MRTFB: variants seen among roughly 807,000 people sequenced by gnomAD.
MRTFB encodes myocardin related transcription factor B.
MRTFB carries 29 observed loss-of-function variants against 104.2 expected under a neutral mutation model. The observed-to-expected ratio is 0.28, with a 90% confidence interval of 0.21 to 0.38. MRTFB has a LOEUF of 0.38. MRTFB is among the 10% of genes least tolerant of loss of function. The probability of loss-of-function intolerance (pLI) is 1.00; values close to 1 mark genes in which losing one functional copy is unlikely to be tolerated. For missense variants in MRTFB, 1,270 were observed against 1,341.6 expected (o/e 0.95, Z 0.83); for synonymous variants, 535 against 519.5 (o/e 1.03, Z -0.41).
chr16:14,242,301 T>C (rs181106379), intron 10 of MRTFB, among the ~76,000 whole-genome samples: 252 of 152,228 alleles, frequency 1.7e-3, no homozygotes, highest in African/African-American at 5.7e-3. Context: ...AAGGCTTCAA[T>C]TCCCCTCTCC....
the MRTFB span, among the ~76,000 whole-genome samples, chr16:14,033,941 C>T: frequency 2.0e-5 from 3 of 151,834 alleles, no homozygotes; most frequent in South Asian, 2.1e-4. Context: ...TTTAAGAGGG[C>T]TAGGCAATGG....
At position 14,246,916 on chromosome 16, in the gene MRTFB, T is replaced by A; in HGVS notation, c.1656T>A (p.Ser552Arg). 6.2e-7 allele frequency: 1 copy of A among 1,613,642 alleles called. No homozygotes were observed. Among genetic ancestry groups the A allele is most frequent in the Non-Finnish European group, 8.5e-7 (1 of 1,179,998 alleles). The change falls in exon 12 of 17, where the codon AGT (serine) becomes AGA (arginine). Residue 552 changes from serine (S) to arginine (R), a missense_variant. Ser to Arg is a moderately radical substitution (Grantham distance 110). Transcript: ENST00000571589. ...TGAGAATGACAAATAATGAAGACAG[T>A]CTGAGTCCCACCAGCAGCACTCTGT... Reference protein sequence around the residue: ...SPLRMTNNEDSLSPTSSTLSN... With the variant: ...SPLRMTNNEDRLSPTSSTLSN...
chr16:14,109,552 CTAAA>C (rs1365264252), intron 2 of MRTFB, among the ~76,000 whole-genome samples: 4 of 152,192 alleles, frequency 2.6e-5, no homozygotes, highest in Admixed American at 1.3e-4. Context: ...ACTGTCCACT[CTAAA>C]TAGCTATTTT....
chr16:14,057,954 C>T, the MRTFB span, among the ~76,000 whole-genome samples: 1 of 152,214 alleles, frequency 6.6e-6, no homozygotes, highest in East Asian at 1.9e-4. Context: ...CCTGCCATTC[C>T]CAGAGCCAGG....
At chr16:14,001,887 CATGAGGCACTGTATCCTTGTTCCAACTCA>C in the MRTFB span, among the ~76,000 whole-genome samples, 1 of 152,216 alleles carries the variant, frequency 6.6e-6, no homozygotes, top group Admixed American at 6.6e-5. Flanking sequence ...AGGCCTCTGC[CATGAGGCACTGTATCCTTGTTCCAACTCA>C]ATTATTACTG....
At chr16:14,016,707 AG>A in the MRTFB span, among the ~76,000 whole-genome samples, 1 of 130,778 alleles carries the variant, frequency 7.6e-6, no homozygotes, top group South Asian at 2.7e-4. Flanking sequence ...CAGGAGGCGG[AG>A]GTTGCGGCGA....
chr16:14,118,755 A>T (rs1287674109), intron 2 of MRTFB, among the ~76,000 whole-genome samples: 4 of 151,794 alleles, frequency 2.6e-5, no homozygotes, highest in Non-Finnish European at 4.4e-5. Flanking sequence ...ATATACACAC[A>T]CACATATATA....
chr16:14,127,406 C>T (rs1418393708), intron 2 of MRTFB, among the ~76,000 whole-genome samples: 1 of 151,958 alleles, frequency 6.6e-6, no homozygotes, highest in Admixed American at 6.6e-5. Flanking sequence ...TTGTCTTACA[C>T]CAGAGGCGGG....
chr16:14,175,084 T>G (rs1171346704), intron 3 of MRTFB, among the ~76,000 whole-genome samples: 2 of 152,220 alleles, frequency 1.3e-5, no homozygotes. Context: ...AAAGACTGTT[T>G]CAGGGTTATT....
chr16:14,033,538 T>A, the MRTFB span, among the ~76,000 whole-genome samples: 1 of 151,462 alleles, frequency 6.6e-6, no homozygotes, highest in Non-Finnish European at 1.5e-5. Flanking sequence ...AGATCCTGTA[T>A]CAAAATAATA....
intron 3 of MRTFB, among the ~76,000 whole-genome samples, chr16:14,175,774 A>C (rs2039561093): frequency 1.3e-5 from 2 of 152,344 alleles, no homozygotes; most frequent in Non-Finnish European, 2.9e-5. Flanking sequence ...CGGATTACTC[A>C]GTAATAGAAA....
chr16:14,210,585 A>T (rs1021488132), intron 4 of MRTFB, among the ~76,000 whole-genome samples: 1 of 152,212 alleles, frequency 6.6e-6, no homozygotes, highest in Non-Finnish European at 1.5e-5. Context: ...TTAAACTTTA[A>T]TATTTGTTTT....
intron 2 of MRTFB, among the ~76,000 whole-genome samples, chr16:14,087,951 A>G (rs751368899): frequency 2.0e-5 from 3 of 152,210 alleles, no homozygotes; most frequent in Non-Finnish European, 4.4e-5. Flanking sequence ...AGTGCTTTTA[A>G]ATACCTCTTA....
chr16:14,240,918 C>A (rs2042739847), intron 10 of MRTFB: 3 of 609,210 alleles, frequency 4.9e-6, no homozygotes, highest in South Asian at 4.1e-5. Flanking sequence ...TCGAGAAGGG[C>A]CTTTCCAGGC....
intron 2 of MRTFB, among the ~76,000 whole-genome samples, chr16:14,137,278 TCTTTGC>T (rs2037769141): frequency 6.6e-6 from 1 of 152,190 alleles, no homozygotes; most frequent in African/African-American, 2.4e-5. Flanking sequence ...GAAAACTTAA[TCTTTGC>T]CTTTGCTACA....
At chr16:14,052,197 A>G in the MRTFB span, among the ~76,000 whole-genome samples, 1 of 152,080 alleles carries the variant, frequency 6.6e-6, no homozygotes, top group Non-Finnish European at 1.5e-5. Flanking sequence ...TGTTGGGAGG[A>G]TTACATGAAA....
intron 4 of MRTFB, among the ~76,000 whole-genome samples, chr16:14,212,099 C>G (rs1337916457): frequency 2.0e-5 from 3 of 152,186 alleles, no homozygotes; most frequent in Non-Finnish European, 4.4e-5. Context: ...GTAGTCAGAA[C>G]TAGTCTGAAC....
rs1003911009 is a variant in MRTFB at position 14,247,272 on chromosome 16, C to T, written c.2012C>T (p.Thr671Ile). Residue 671 changes from threonine to isoleucine, a missense_variant, in exon 12 of 17, where the codon ACC becomes ATC. Coordinates refer to ENST00000571589, the MANE Select transcript of MRTFB (RefSeq NM_001308142.2). ...VGQPVSTGGQ[T>I]LVAKKAVVIK... ...CAGCCCGTCTCTACAGGTGGCCAGACCCTTGTTGCCAAAAAGGCTGTAGTT... is the reference window on the plus strand; with the variant it reads ...CAGCCCGTCTCTACAGGTGGCCAGATCCTTGTTGCCAAAAAGGCTGTAGTT... 6.2e-7 allele frequency: 1 copy of T among 1,614,210 alleles called. No homozygotes were observed. Among genetic ancestry groups the T allele is most frequent in the Admixed American group, 1.7e-5 (1 of 60,028 alleles).
the MRTFB span, among the ~76,000 whole-genome samples, chr16:14,012,519 C>T: frequency 6.6e-6 from 1 of 151,866 alleles, no homozygotes; most frequent in African/African-American, 2.4e-5. Context: ...AGGATGGTCT[C>T]GATCTCCTGA....
Sources: allele counts gnomAD v4.1 joint callset (sites outside exome capture counted in the v4.1 genomes callset), GRCh38; gene constraint gnomAD v4.1.1; transcripts MANE v1.5; gene names NCBI Gene and HGNC (gene_info 2026-07-23, HGNC 2026-07-21).